Variants in CBX1 observed in about 807,000 individuals in gnomAD.
The protein encoded by CBX1 is chromobox protein homolog 1.
CBX1 carries 10 observed loss-of-function variants against 25.1 expected under a neutral mutation model. That is an observed-to-expected ratio of 0.40 (90% CI 0.25 to 0.68). The LOEUF is 0.68. Ranked by LOEUF, CBX1 falls within the 30% of genes least tolerant of loss-of-function variation. The probability of loss-of-function intolerance (pLI) is 0.40; values close to 1 mark genes in which losing one functional copy is unlikely to be tolerated. For missense variants in CBX1, 106 were observed against 218.5 expected, an observed-to-expected ratio of 0.49 and a Z score of 3.25; for synonymous variants, 63 against 79.4, an observed-to-expected ratio of 0.79 and a Z score of 1.10.
At chr17:48,087,600 G>A (rs867361411) in intron 1 of CBX1, among the ~76,000 whole-genome samples, 25 of 152,060 alleles carry the variant, frequency 1.6e-4, no homozygotes, top group South Asian at 1.5e-3. Context: ...AAGGCTGGGC[G>A]CAGTGGCTCA....
At chr17:48,084,202 CTTTTTTTTTTTTTT>C (rs869263376) in intron 1 of CBX1, among the ~76,000 whole-genome samples, 1 of 61,320 alleles carries the variant, frequency 1.6e-5, no homozygotes, top group Non-Finnish European at 2.7e-5. Flanking sequence ...TCTTTCTTTC[CTTTTTTTTTTTTTT>C]TTTTTTTTTT....
intron 1 of CBX1, chr17:48,095,678 G>C (rs568386201): frequency 6.6e-6 from 1 of 152,308 alleles, no homozygotes; most frequent in South Asian, 2.1e-4. Context: ...AAACAAGAAA[G>C]AAGTACCTTT....
intron 1 of CBX1, among the ~76,000 whole-genome samples, chr17:48,087,899 A>G (rs145389997): frequency 1.2e-3 from 177 of 151,852 alleles, no homozygotes; most frequent in African/African-American, 4.2e-3. Context: ...AAGAAAACAG[A>G]AAAAAGAAGA....
rs765576475 is a variant in CBX1, at chr17:48,071,462, A to C, written c.531T>G (p.Asp177Glu). ...RLTWHSYPSE[D>E]DDKKDDKN ...AGTTCTTGTCATCTTTTTTGTCATC[A>C]TCCTCCGAGGGGTAGGAATGCCACG... The change falls in exon 5 of 5, where the codon GAT becomes GAG. Residue 177 changes from aspartate to glutamate, a missense_variant. By Grantham distance (45) the Asp-to-Glu change is conservative. Transcript: ENST00000225603. 5.0e-6 allele frequency: 8 copies of C among 1,611,732 alleles called. No homozygotes were observed. The highest frequency in any genetic ancestry group is 1.1e-5 in the South Asian group (1 of 90,876).
intron 1 of CBX1, among the ~76,000 whole-genome samples, chr17:48,086,233 TG>T (rs1167191430): frequency 3.9e-5 from 6 of 152,116 alleles, no homozygotes; most frequent in Non-Finnish European, 4.4e-5. Context: ...ACCCCTGCAC[TG>T]AGGAGCTAGA....
intron 4 of CBX1, among the ~76,000 whole-genome samples, chr17:48,073,720 G>A (rs1314513675): frequency 6.6e-6 from 1 of 151,622 alleles, no homozygotes; most frequent in South Asian, 2.1e-4. Context: ...CCAGCTACTT[G>A]AGAGGCTGAG....
At chr17:48,074,589 AAAGG>A (rs112585084) in intron 4 of CBX1, among the ~76,000 whole-genome samples, 5,586 of 152,322 alleles carry the variant, frequency 0.037, 110 homozygotes, top group East Asian at 0.053. Context: ...ATTAAGGACA[AAAGG>A]AAGAACTACA....
At chr17:48,082,015 C>G (rs757979458) in intron 1 of CBX1, among the ~76,000 whole-genome samples, 3 of 152,020 alleles carry the variant, frequency 2.0e-5, no homozygotes, top group Non-Finnish European at 4.4e-5. Context: ...CTTTGGAAGG[C>G]CTAGGCAGAA....
chr17:48,080,742 G>A (rs895354452), intron 1 of CBX1, among the ~76,000 whole-genome samples: 24 of 150,222 alleles, frequency 1.6e-4, no homozygotes, highest in African/African-American at 5.1e-4. Flanking sequence ...CCAATATGGC[G>A]AAACCCCATC....
intron 1 of CBX1, among the ~76,000 whole-genome samples, chr17:48,087,049 C>T (rs556510861): frequency 2.6e-4 from 39 of 151,646 alleles, no homozygotes; most frequent in African/African-American, 8.7e-4. Flanking sequence ...ATTAGCTGGG[C>T]GTGGTGGCGG....
At chr17:48,075,944 C>T in intron 3 of CBX1, 57 bp downstream of exon 3, 3 of 1,369,994 alleles carry the variant, frequency 2.2e-6, no homozygotes, top group Non-Finnish European at 3.0e-6. Context: ...CAGAACAAAA[C>T]TACTTTGACA....
chr17:48,099,094 C>T (rs4794441), intron 1 of CBX1, among the ~76,000 whole-genome samples: 111,013 of 151,974 alleles, frequency 0.73, 41,194 homozygotes, highest in Admixed American at 0.82. Context: ...CATCTATCTA[C>T]CTATCATCTA....
At position 48,076,923 on chromosome 17, in the gene CBX1, C is replaced by G; in HGVS notation, c.82G>C (p.Asp28His). ...ACTTTGCCCTTTACCACTCGACGGT[C>G]GAGAACTTTTTCCACCACATATTCC... ...EEEYVVEKVLDRRVVKGKVEY... is the reference protein window; with the variant it reads ...EEEYVVEKVLHRRVVKGKVEY... Residue 28 changes from aspartate to histidine, a missense_variant, in exon 2 of 5, where the codon GAC becomes CAC. Asp to His is a moderately conservative substitution (Grantham distance 81). This residue lies in a region of CBX1 where 16 missense variants were observed against 37.9 expected (regional missense o/e 0.42). Coordinates refer to ENST00000225603, the MANE Select transcript of CBX1 (RefSeq NM_001127228.2). 1.2e-6 allele frequency: 2 copies of G among 1,613,690 alleles called. No individual in the cohort carries two copies. Among genetic ancestry groups the G allele is most frequent in the Non-Finnish European group, 1.7e-6 (2 of 1,179,834 alleles).
At chr17:48,073,905 C>G (rs560958134) in intron 4 of CBX1, among the ~76,000 whole-genome samples, 25 of 149,800 alleles carry the variant, frequency 1.7e-4, no homozygotes, top group African/African-American at 5.7e-4. Context: ...ACTACTGTAA[C>G]TCACACTGGT....
intron 1 of CBX1, among the ~76,000 whole-genome samples, chr17:48,086,882 G>GA (rs2063314768): frequency 6.6e-6 from 1 of 151,768 alleles, no homozygotes; most frequent in African/African-American, 2.4e-5. Flanking sequence ...AAACGAAAAA[G>GA]AAAAAAACAA....
intron 1 of CBX1, among the ~76,000 whole-genome samples, chr17:48,087,119 G>A (rs2063316337): frequency 6.6e-6 from 1 of 151,246 alleles, no homozygotes; most frequent in African/African-American, 2.4e-5. Flanking sequence ...AACCTGGGAA[G>A]CAGAGGTTGC....
At chr17:48,098,535 T>C (rs1467933990) in intron 1 of CBX1, among the ~76,000 whole-genome samples, 1 of 152,200 alleles carries the variant, frequency 6.6e-6, no homozygotes, top group Non-Finnish European at 1.5e-5. Context: ...TTCGCTCTTG[T>C]TGCCCAGGCT....
chr17:48,094,114 CAAAAAAAAAAAAAA>C (rs11459504), intron 1 of CBX1, among the ~76,000 whole-genome samples: 1 of 50,838 alleles, frequency 2.0e-5, no homozygotes, highest in East Asian at 6.9e-4. Flanking sequence ...AACTCTGTCT[CAAAAAAAAAAAAAA>C]AAAAAAAAAA....
intron 3 of CBX1, 119 bp downstream of exon 3, chr17:48,075,882 T>C (rs2144430779): frequency 1.4e-6 from 1 of 698,876 alleles, no homozygotes; most frequent in African/African-American, 1.8e-5. Flanking sequence ...GGCATTAGCC[T>C]ACCTAAGATT....
Sources: allele counts gnomAD v4.1 joint callset (sites outside exome capture counted in the v4.1 genomes callset), GRCh38; gene constraint gnomAD v4.1.1; regional missense constraint gnomAD v4.1.1; transcripts MANE v1.5; gene names NCBI Gene and HGNC (gene_info 2026-07-23, HGNC 2026-07-21).